TAFA2: variants seen among roughly 807,000 people sequenced by gnomAD.
TAFA2 encodes the protein TAFA chemokine like family member 2, also known as chemokine-like protein TAFA-2.
Under a neutral mutation model 18.8 loss-of-function variants are expected in TAFA2, and 7 were observed. The observed-to-expected ratio is 0.37, with a 90% CI of 0.21 to 0.70. The LOEUF (loss-of-function observed/expected upper bound fraction) is 0.70. Among genes scored for constraint, TAFA2 ranks in the 30% least tolerant of loss-of-function variants. The pLI, the probability that TAFA2 is intolerant of heterozygous loss-of-function variation, is 0.53. For missense variants in TAFA2, 122 were observed against 158.1 expected (o/e 0.77, Z 1.23); for synonymous variants, 60 against 54.2 (o/e 1.11, Z -0.47).
At chr12:62,100,127 G>A (rs1392115463) in intron 1 of TAFA2, among the ~76,000 whole-genome samples, 3 of 140,624 alleles carry the variant, frequency 2.1e-5, no homozygotes, top group Non-Finnish European at 3.1e-5. Context: ...CTTCATAATA[G>A]CAACTCCCTC....
At chr12:62,173,218 G>T (rs992567432) in intron 1 of TAFA2, among the ~76,000 whole-genome samples, 1 of 152,130 alleles carries the variant, frequency 6.6e-6, no homozygotes, top group Non-Finnish European at 1.5e-5. Flanking sequence ...TTTGAGAACA[G>T]CCTGGCCAAC....
At chr12:62,026,657 G>C (rs145593892) in intron 1 of TAFA2, among the ~76,000 whole-genome samples, 413 of 152,144 alleles carry the variant, frequency 2.7e-3, no homozygotes, top group African/African-American at 9.4e-3. Flanking sequence ...TCTATGTTTT[G>C]AATTTGCTGA....
At chr12:61,864,487 G>A (rs1468423751) in intron 2 of TAFA2, among the ~76,000 whole-genome samples, 1 of 150,936 alleles carries the variant, frequency 6.6e-6, no homozygotes, top group Non-Finnish European at 1.5e-5. Context: ...AAAAACATGA[G>A]TGAAAACAAA....
At position 61,709,499 on chromosome 12, in the gene TAFA2, T is replaced by A. The variant is rs1228960579; in HGVS notation, c.*907A>T. 6.6e-6 allele frequency: 1 copy of A among 151,956 alleles called. No individual in the cohort carries two copies. Among genetic ancestry groups the A allele is most frequent in the Non-Finnish European group, 1.5e-5 (1 of 67,982 alleles). The allele number at this position is 151,956 out of a possible 1,614,324, so 9.4% of individuals were successfully genotyped here. On this transcript the variant is annotated 3_prime_UTR_variant, in exon 5 of 5. Coordinates refer to ENST00000416284, the MANE Select transcript of TAFA2 (RefSeq NM_178539.5). The stretch of plus-strand genomic sequence containing the variant: ...ATGTTCAAGCTAAGAAATCAGAAAC[T>A]CACATGCATCCCTGTCAATTTTTTT...
intron 2 of TAFA2, among the ~76,000 whole-genome samples, chr12:61,846,781 G>T (rs1380033813): frequency 6.6e-6 from 1 of 152,080 alleles, no homozygotes; most frequent in Non-Finnish European, 1.5e-5. Context: ...TTTGGTAGAG[G>T]TATTTAATTT....
At chr12:62,006,302 G>C (rs1459373950) in intron 1 of TAFA2, among the ~76,000 whole-genome samples, 6 of 152,096 alleles carry the variant, frequency 3.9e-5, no homozygotes, top group Non-Finnish European at 8.8e-5. Context: ...AAGGCAAACA[G>C]GGTTGTGAAG....
intron 1 of TAFA2, among the ~76,000 whole-genome samples, chr12:62,186,052 T>C (rs2062583649): frequency 6.6e-6 from 1 of 152,172 alleles, no homozygotes; most frequent in Non-Finnish European, 1.5e-5. Flanking sequence ...CAAATGCACC[T>C]TTACAAAAAT....
chr12:61,735,533 GAATT>G (rs1224237986), intron 4 of TAFA2, among the ~76,000 whole-genome samples: 1 of 151,928 alleles, frequency 6.6e-6, no homozygotes, highest in East Asian at 1.9e-4. Flanking sequence ...CTTTTTAATT[GAATT>G]ATTTACCCCA....
chr12:61,913,197 A>G (rs548210110), intron 1 of TAFA2, among the ~76,000 whole-genome samples: 21 of 152,292 alleles, frequency 1.4e-4, no homozygotes, highest in African/African-American at 3.4e-4. Context: ...AAATAAATAC[A>G]TAGGGAAAGA....
chr12:61,823,449 A>G (rs1439892055), intron 2 of TAFA2, among the ~76,000 whole-genome samples: 1 of 152,198 alleles, frequency 6.6e-6, no homozygotes, highest in African/African-American at 2.4e-5. Context: ...AATAAATTAC[A>G]GGCACCCATT....
At chr12:61,722,562 T>C (rs1869954999) in intron 4 of TAFA2, among the ~76,000 whole-genome samples, 1 of 152,208 alleles carries the variant, frequency 6.6e-6, no homozygotes, top group Non-Finnish European at 1.5e-5. Context: ...TTTTTTGTTT[T>C]TCTGTTTTTA....
At chr12:61,765,565 G>A (rs532126910) in intron 2 of TAFA2, among the ~76,000 whole-genome samples, 30 of 152,104 alleles carry the variant, frequency 2.0e-4, no homozygotes, top group Non-Finnish European at 3.4e-4. Flanking sequence ...AGCAGAGAAC[G>A]GAAATATATA....
Position 61,770,412 on chromosome 12 carries a change from A to G in TAFA2, c.107-15388T>C, listed in dbSNP as rs752573827. Among the ~76,000 whole-genome samples, 219 of 152,244 alleles carry G rather than the reference A, an allele frequency of 1.4e-3. 2 individuals are homozygous for G. Among genetic ancestry groups the G allele is most frequent in the Non-Finnish European group, 2.5e-3 (169 of 68,004 alleles). ...CACCTGGGAAATTCATTGCAAAAAG[A>G]TCACCACCTAGTTACATAGTCATCA... is the stretch of plus-strand genomic sequence containing the variant. On this transcript the variant is annotated intron_variant, in intron 2 of 4. Coordinates refer to ENST00000416284, the MANE Select transcript of TAFA2 (RefSeq NM_178539.5).
intron 2 of TAFA2, among the ~76,000 whole-genome samples, chr12:61,756,697 G>C (rs1869289169): frequency 6.6e-6 from 1 of 151,826 alleles, no homozygotes. Flanking sequence ...AGAAAATACA[G>C]TAGAGTAGAG....
chr12:61,880,129 G>A, intron 1 of TAFA2: 1 of 597,126 alleles, frequency 1.7e-6, no homozygotes, highest in South Asian at 1.7e-5. Context: ...AGTATAAGGA[G>A]ATCGCCAACT....
At chr12:62,062,610 A>G (rs1376724769) in intron 1 of TAFA2, among the ~76,000 whole-genome samples, 1 of 152,190 alleles carries the variant, frequency 6.6e-6, no homozygotes, top group African/African-American at 2.4e-5. Flanking sequence ...TGTTGTTGCC[A>G]TAACAAATTA....
At chr12:62,049,258 A>C (rs1244637818) in intron 1 of TAFA2, among the ~76,000 whole-genome samples, 1 of 152,178 alleles carries the variant, frequency 6.6e-6, no homozygotes, top group Non-Finnish European at 1.5e-5. Flanking sequence ...AGAAATAAAG[A>C]GAATTTTCTC....
chr12:61,889,332 C>T (rs1234184854), intron 1 of TAFA2, among the ~76,000 whole-genome samples: 1 of 152,146 alleles, frequency 6.6e-6, no homozygotes, highest in African/African-American at 2.4e-5. Context: ...CAAACGTGGG[C>T]AAATAACACC....
In TAFA2 at chr12:62,166,019, C is replaced by T. The variant is rs148963963; in HGVS notation, c.-2+25240G>A. 3.8e-4 allele frequency among the ~76,000 whole-genome samples: 57 copies of T among 151,732 alleles called. 1 individual carries two copies. The highest frequency in any genetic ancestry group is 1.3e-3 in the Admixed American group (20 of 15,200). On this transcript the variant is annotated intron_variant, in intron 1 of 4. Transcript: ENST00000416284. Reference sequence around the variant, plus strand: ...TGCAAAAATGATCTGAATTCTGACTCCTCAGGCTGTTTAGAGACTGGTGTC... The same window carrying T: ...TGCAAAAATGATCTGAATTCTGACTTCTCAGGCTGTTTAGAGACTGGTGTC...
Sources: allele counts gnomAD v4.1 joint callset (sites outside exome capture counted in the v4.1 genomes callset), GRCh38; gene constraint gnomAD v4.1.1; transcripts MANE v1.5; gene names NCBI Gene and HGNC (gene_info 2026-07-23, HGNC 2026-07-21).